The following ATP8A2 variants were observed in gnomAD, a reference collection of about 807,000 sequenced individuals.
ATP8A2 encodes the protein ATPase phospholipid transporting 8A2, also known as phospholipid-transporting ATPase IB.
Under a neutral mutation model 165.6 loss-of-function variants are expected in ATP8A2, and 100 were observed. The observed-to-expected ratio is 0.60, with a 90% CI of 0.51 to 0.71. The LOEUF (loss-of-function observed/expected upper bound fraction) is 0.71. Among genes scored for constraint, ATP8A2 ranks in the 30% least tolerant of loss-of-function variants. ATP8A2 has a pLI of 0.00. For missense variants in ATP8A2, 1,227 were observed against 1,479.5 expected, an observed-to-expected ratio of 0.83 and a Z score of 2.80; for synonymous variants, 543 against 548.8, an observed-to-expected ratio of 0.99 and a Z score of 0.15.
intron 13 of ATP8A2, among the ~76,000 whole-genome samples, chr13:25,555,437 A>G (rs1373825797): frequency 6.6e-6 from 1 of 152,162 alleles, no homozygotes; most frequent in African/African-American, 2.4e-5. Context: ...GTGGGGGCCA[A>G]TTTAAAGGAC....
intron 24 of ATP8A2, among the ~76,000 whole-genome samples, chr13:25,661,679 A>G (rs2042054014): frequency 6.6e-6 from 1 of 152,220 alleles, no homozygotes; most frequent in Non-Finnish European, 1.5e-5. Flanking sequence ...AAGAGATGAG[A>G]TCTATTATCT....
At chr13:25,773,744 A>G (rs79096473) in intron 26 of ATP8A2, among the ~76,000 whole-genome samples, 1 of 152,100 alleles carries the variant, frequency 6.6e-6, no homozygotes, top group Non-Finnish European at 1.5e-5. Context: ...ATGAGTATCT[A>G]TGTATGTGTG....
chr13:25,909,154 A>C (rs2138984964), intron 33 of ATP8A2, among the ~76,000 whole-genome samples: 1 of 152,322 alleles, frequency 6.6e-6, no homozygotes, highest in South Asian at 2.1e-4. Flanking sequence ...AGAAAGGAAC[A>C]GTAAATGCTG....
At chr13:25,585,145 G>A (rs1213664688) in intron 23 of ATP8A2, among the ~76,000 whole-genome samples, 1 of 152,176 alleles carries the variant, frequency 6.6e-6, no homozygotes, top group Non-Finnish European at 1.5e-5. Flanking sequence ...TTGTGTATAG[G>A]TTTTAGTAGT....
rs1276208008 is a variant in ATP8A2 at position 25,745,257 on chromosome 13, C to T, written c.2385-23789C>T. ...TGCTTGGGGCCTGGCTTTTCTGACTCGGCTTAGGAATTTGGAGGATGTGGC... is the reference window on the plus strand; with the variant it reads ...TGCTTGGGGCCTGGCTTTTCTGACTTGGCTTAGGAATTTGGAGGATGTGGC... On this transcript the variant is annotated intron_variant, in intron 25 of 36. Transcript: ENST00000381655. Among the ~76,000 whole-genome samples, 6 of 152,128 alleles carry T rather than the reference C, an allele frequency of 3.9e-5. No individual in the cohort carries two copies. The East Asian group carries it at 1.2e-3, about 29-fold the overall frequency.
intron 26 of ATP8A2, among the ~76,000 whole-genome samples, chr13:25,774,568 A>G (rs897959485): frequency 1.6e-4 from 25 of 152,244 alleles, no homozygotes; most frequent in African/African-American, 4.8e-4. Flanking sequence ...TTAAAATTCA[A>G]TTACAAAAAA....
At chr13:25,962,696 G>T (rs1955685399) in intron 34 of ATP8A2, among the ~76,000 whole-genome samples, 1 of 152,180 alleles carries the variant, frequency 6.6e-6, no homozygotes, top group Admixed American at 6.5e-5. Flanking sequence ...CTCTGAGATA[G>T]AGAAGTGAGA....
intron 27 of ATP8A2, among the ~76,000 whole-genome samples, chr13:25,784,745 A>G (rs2044979671): frequency 6.6e-6 from 1 of 152,098 alleles, no homozygotes; most frequent in Non-Finnish European, 1.5e-5. Context: ...TATACCCTTC[A>G]AGTACTAGAA....
chr13:25,930,786 C>T (rs1954751256), intron 33 of ATP8A2, among the ~76,000 whole-genome samples: 1 of 152,094 alleles, frequency 6.6e-6, no homozygotes, highest in Admixed American at 6.5e-5. Context: ...CACTGTCTGT[C>T]AGATAGAATC....
At chr13:25,873,605 ATCCAGGC>A (rs1423224748) in intron 33 of ATP8A2, among the ~76,000 whole-genome samples, 1 of 150,372 alleles carries the variant, frequency 6.7e-6, no homozygotes, top group Non-Finnish European at 1.5e-5. Flanking sequence ...ATTATGATGA[ATCCAGGC>A]TCTGTTATTT....
At chr13:25,945,809 C>T (rs549108990) in intron 33 of ATP8A2, among the ~76,000 whole-genome samples, 4 of 152,322 alleles carry the variant, frequency 2.6e-5, no homozygotes, top group African/African-American at 7.2e-5. Flanking sequence ...GGGGCTCAGA[C>T]GCCTGGTACT....
At chr13:25,586,282 G>C (rs1283788925) in intron 23 of ATP8A2, among the ~76,000 whole-genome samples, 2 of 152,180 alleles carry the variant, frequency 1.3e-5, no homozygotes, top group African/African-American at 4.8e-5. Context: ...CTGGATGAGA[G>C]GAGTTTAAAA....
intron 24 of ATP8A2, among the ~76,000 whole-genome samples, chr13:25,621,860 C>T (rs1300361207): frequency 6.6e-6 from 1 of 152,126 alleles, no homozygotes; most frequent in Non-Finnish European, 1.5e-5. Flanking sequence ...CACACCTTGA[C>T]CATGTATTTA....
intron 33 of ATP8A2, among the ~76,000 whole-genome samples, chr13:25,937,693 CA>C (rs1463212172): frequency 6.6e-6 from 1 of 150,826 alleles, no homozygotes; most frequent in Non-Finnish European, 1.5e-5. Flanking sequence ...ACTAAAAATA[CA>C]AAAAATTAGC....
intron 25 of ATP8A2, among the ~76,000 whole-genome samples, chr13:25,747,348 C>T (rs4769436): frequency 2.0e-4 from 30 of 152,026 alleles, no homozygotes; most frequent in Admixed American, 6.6e-5. Context: ...AGGTTAGTAG[C>T]GAAGTCAGTT....
intron 24 of ATP8A2, among the ~76,000 whole-genome samples, chr13:25,627,492 T>C (rs2041131755): frequency 6.6e-6 from 1 of 152,182 alleles, no homozygotes; most frequent in Non-Finnish European, 1.5e-5. Context: ...AGCCCTAATC[T>C]GATAAGATTA....
intron 1 of ATP8A2, among the ~76,000 whole-genome samples, chr13:25,467,333 C>T (rs2035695968): frequency 6.6e-6 from 1 of 152,192 alleles, no homozygotes; most frequent in Non-Finnish European, 1.5e-5. Flanking sequence ...AAGCCTTAGC[C>T]CACTTCAGAC....
intron 25 of ATP8A2, among the ~76,000 whole-genome samples, chr13:25,746,138 A>G (rs2044026640): frequency 6.6e-6 from 1 of 152,234 alleles, no homozygotes; most frequent in Non-Finnish European, 1.5e-5. Flanking sequence ...CAATTCATTC[A>G]TATGAGTTGT....
intron 35 of ATP8A2, among the ~76,000 whole-genome samples, chr13:25,975,321 C>T (rs1956007029): frequency 6.6e-6 from 1 of 152,132 alleles, no homozygotes; most frequent in South Asian, 2.1e-4. Context: ...CGCCTGTAAT[C>T]CCAGCACTTT....
Sources: gnomAD v4.1 joint callset for allele counts (sites outside exome capture counted in the v4.1 genomes callset) on GRCh38, gnomAD v4.1.1 for gene constraint, MANE v1.5 for transcripts, NCBI Gene and HGNC (gene_info 2026-07-23, HGNC 2026-07-21) for gene names.